Variants in MYOG observed in about 807,000 individuals in gnomAD.
The protein encoded by MYOG is myogenin.
In MYOG, 6 loss-of-function variants were observed where a neutral mutation model predicts 17.7. That is an observed-to-expected ratio of 0.34 (90% CI 0.19 to 0.67). MYOG has a LOEUF of 0.67. MYOG is among the 30% of genes least tolerant of loss of function. The pLI is 0.69. For synonymous variants in MYOG, 125 were observed against 130.2 expected, an observed-to-expected ratio of 0.96 and a Z score of 0.27; for missense variants, 272 against 302.0, an observed-to-expected ratio of 0.90 and a Z score of 0.74.
Position 203,084,799 on chromosome 1 carries a change from G to A in MYOG, c.472-71C>T, listed in dbSNP as rs575832210. The A allele has an allele frequency of 4.2e-6, 6 of 1,430,106 alleles. No homozygotes were observed. The East Asian group carries it at 9.9e-5, about 24-fold the overall frequency. 88.6% of individuals were successfully genotyped at this position (1,430,106 alleles called of 1,614,324 possible). A position where few individuals can be genotyped will look rare whatever the true frequency, so the allele number is the denominator to read the frequency against. ...TGATGTCTCTCTCTGCCTAGTCCCA[G>A]TGGGCAGAAGTACCTGTGGTGGGGT... On this transcript the variant is annotated intron_variant, in intron 1 of 2. Transcript: ENST00000241651.
chr1:203,083,704 A>C lies in MYOG; in HGVS notation c.*206T>G, dbSNP rs577081195. ...AAAGGGGATGCCCTCTCCTCTAAGG[A>C]GGCAGCTGAATGAGGGCGTCCAGTC... On this transcript the variant is annotated 3_prime_UTR_variant, in exon 3 of 3. Coordinates refer to ENST00000241651, the MANE Select transcript of MYOG (RefSeq NM_002479.6). 2 of 713,276 alleles carry C rather than the reference A, an allele frequency of 2.8e-6. No individual in the cohort carries two copies. The highest frequency in any genetic ancestry group is 4.6e-6 in the Non-Finnish European group (2 of 437,526). The allele number at this position is 713,276 out of a possible 1,614,324, so 44.2% of individuals were successfully genotyped here.
In MYOG at chr1:203,085,953, C is replaced by T; in HGVS notation, c.9G>A (p.Leu3=). ...GGTAGAAGTAGGGGGATGTCTCATA[C>T]AGCTCCATGGGGTCGGAAAAGGCTT... The part of the protein sequence containing the change: ME[L]YETSPYFYQE... Residue 3 remains leucine (L), a synonymous_variant, in exon 1 of 3, where the codon CTG becomes CTA. Coordinates refer to ENST00000241651, the MANE Select transcript of MYOG (RefSeq NM_002479.6). 6.3e-7 allele frequency: 1 copy of T among 1,577,466 alleles called. No homozygotes were observed. The highest frequency in any genetic ancestry group is 8.6e-7 in the Non-Finnish European group (1 of 1,162,596).
Position 203,085,732 on chromosome 1 carries a change from G to A in MYOG, c.230C>T (p.Ser77Leu), listed in dbSNP as rs751391801. 14 of 1,614,110 alleles carry A rather than the reference G, an allele frequency of 8.7e-6. No homozygotes were observed. The highest frequency in any genetic ancestry group is 1.2e-5 in the Non-Finnish European group (14 of 1,179,994). ...CGCCCGCCGCCGGTCCACGGACACC[G>A]ACTTCCTCTTACACACCTTACACGC... Reference protein sequence around the residue: ...PWACKVCKRKSVSVDRRRAAT... With the variant: ...PWACKVCKRKLVSVDRRRAAT... The change falls in exon 1 of 3, where the codon TCG becomes TTG. Residue 77 changes from serine to leucine, a missense_variant. Transcript: ENST00000241651.
In MYOG at chr1:203,084,672, T is replaced by C; in HGVS notation, c.528A>G (p.Ala176=). 6.2e-7 allele frequency: 1 copy of C among 1,611,566 alleles called. No individual in the cohort carries two copies. The highest frequency in any genetic ancestry group is 8.5e-7 in the Non-Finnish European group (1 of 1,178,844). The part of the protein sequence containing the change: ...SASCSPEWGS[A]LEFSANPGDH... ...CCCCTGGGTTGGCGCTGAACTCCAGTGCACTGCCCCACTCTGGACTGCAGG... is the reference window on the plus strand; with the variant it reads ...CCCCTGGGTTGGCGCTGAACTCCAGCGCACTGCCCCACTCTGGACTGCAGG... The change falls in exon 2 of 3, where the codon GCA becomes GCG. Residue 176 remains alanine (A), a synonymous_variant. Transcript: ENST00000241651.
intron 2 of MYOG, 97 bp downstream of exon 2, chr1:203,084,550 A>G: frequency 8.8e-7 from 1 of 1,132,452 alleles, no homozygotes; most frequent in Middle Eastern, 2.0e-4. Context: ...GACCCAAGGG[A>G]AGAGGACCGG....
rs1407637540 is a variant in MYOG, at chr1:203,083,586, GC to G, written c.*323del. On this transcript the variant is annotated 3_prime_UTR_variant, in exon 3 of 3. Coordinates refer to ENST00000241651, the MANE Select transcript of MYOG (RefSeq NM_002479.6). ...TTTCACTTGGGGGGTGGAATTAGAG[GC>G]CGCGTTATGATAAAAAGGAAGCTCC... 5.6e-6 allele frequency: 3 copies of G among 531,130 alleles called. No individual in the cohort carries two copies. In the Admixed American group the frequency reaches 9.3e-5, roughly 17 times the overall value. 32.9% of individuals were successfully genotyped at this position (531,130 alleles called of 1,614,324 possible). A position where few individuals can be genotyped will look rare whatever the true frequency, so the allele number is the denominator to read the frequency against.
rs936843101 is a variant in MYOG, at chr1:203,083,321, G to C, written c.*589C>G. 8 of 184,518 alleles carry C rather than the reference G, an allele frequency of 4.3e-5. No homozygotes were observed. Among genetic ancestry groups the C allele is most frequent in the Admixed American group, 2.5e-4 (4 of 16,246 alleles). The allele number at this position is 184,518 out of a possible 1,614,324, so 11.4% of individuals were successfully genotyped here. A position where few individuals can be genotyped will look rare whatever the true frequency, so the allele number is the denominator to read the frequency against. ...GGCAACTTCAGCACAGGAGACCTTG[G>C]TCGGATGGCAGCTTTACAAACAACA... is the stretch of plus-strand genomic sequence containing the variant. On this transcript the variant is annotated 3_prime_UTR_variant, in exon 3 of 3. Transcript: ENST00000241651.
In MYOG at chr1:203,085,934, A is replaced by T. The variant is rs767739064; in HGVS notation, c.28T>A (p.Phe10Ile). The change falls in exon 1 of 3, where the codon TTC becomes ATC. Residue 10 changes from phenylalanine (F) to isoleucine (I), a missense_variant. Transcript: ENST00000241651. ...TCATAGAAGCGGGGTTCCTGGTAGA[A>T]GTAGGGGGATGTCTCATACAGCTCC... MELYETSPYFYQEPRFYDGE... is the reference protein window; with the variant it reads MELYETSPYIYQEPRFYDGE... The T allele has an allele frequency of 6.3e-7, 1 of 1,598,484 alleles. No homozygotes were observed. Among genetic ancestry groups the T allele is most frequent in the South Asian group, 1.1e-5 (1 of 88,258 alleles).
Position 203,085,758 on chromosome 1 carries a change from C to T in MYOG, c.204G>A (p.Trp68Ter). Residue 68 changes from tryptophan (W) to a stop codon, truncating the protein, a stop_gained, in exon 1 of 3, where the codon TGG becomes TGA. Coordinates refer to ENST00000241651, the MANE Select transcript of MYOG (RefSeq NM_002479.6). LOFTEE classifies it high-confidence loss of function. Reference protein sequence around the residue: ...PEHCPGQCLPWACKVCKRKSV... With the variant: ...PEHCPGQCLP ...ACTTCCTCTTACACACCTTACACGC[C>T]CACGGCAGGCACTGGCCTGGACAGT... 1 of 1,614,086 alleles carries T rather than the reference C, an allele frequency of 6.2e-7. No homozygotes were observed. Among genetic ancestry groups the T allele is most frequent in the Non-Finnish European group, 8.5e-7 (1 of 1,179,992 alleles).
chr1:203,084,698 A>G lies in MYOG; in HGVS notation c.502T>C (p.Ser168Pro). ...GCACTGCCCCACTCTGGACTGCAGG[A>G]GGCGCTGTGAGAGCTGCATTCGCTG... is the stretch of plus-strand genomic sequence containing the variant. ...VPSECSSHSA[S>P]CSPEWGSALE... The change falls in exon 2 of 3, where the codon TCC becomes CCC. Residue 168 changes from serine to proline, a missense_variant. Ser to Pro is a moderately conservative substitution (Grantham distance 74, BLOSUM62 -1). Coordinates refer to ENST00000241651, the MANE Select transcript of MYOG (RefSeq NM_002479.6). The G allele has an allele frequency of 6.2e-7, 1 of 1,611,476 alleles. No individual in the cohort carries two copies. Among genetic ancestry groups the G allele is most frequent in the Non-Finnish European group, 8.5e-7 (1 of 1,178,842 alleles).
At position 203,085,366 on chromosome 1, in the gene MYOG, G is replaced by A. The variant is rs1283071106; in HGVS notation, c.471+125C>T. On this transcript the variant is annotated intron_variant, in intron 1 of 2. Coordinates refer to ENST00000241651, the MANE Select transcript of MYOG (RefSeq NM_002479.6). ...CAGCTCTGACCAGGGAAGGGCTCCTGCAGCCCCTCGACCCTGTCTGGCACC... is the reference window on the plus strand; with the variant it reads ...CAGCTCTGACCAGGGAAGGGCTCCTACAGCCCCTCGACCCTGTCTGGCACC... 2.1e-5 allele frequency: 18 copies of A among 865,026 alleles called. No individual in the cohort carries two copies. In the East Asian group the frequency reaches 4.8e-4, roughly 23 times the overall value. 53.6% of individuals were successfully genotyped at this position (865,026 alleles called of 1,614,324 possible). A position where few individuals can be genotyped will look rare whatever the true frequency, so the allele number is the denominator to read the frequency against.
Position 203,085,473 on chromosome 1 carries a change from G to T in MYOG, c.471+18C>A, listed in dbSNP as rs749556047. ...TGGCCCCGTCCCCTTGGGGCAGGGG[G>T]ATGGGATGGCCACTTACCCCTGGCT... On this transcript the variant is annotated intron_variant, in intron 1 of 2. Transcript: ENST00000241651. 4 of 1,600,530 alleles carry T rather than the reference G, an allele frequency of 2.5e-6. No individual in the cohort carries two copies. Among genetic ancestry groups the T allele is most frequent in the South Asian group, 2.2e-5 (2 of 89,834 alleles).
Position 203,083,575 on chromosome 1 carries a change from T to G in MYOG, c.*335A>C. 10 of 503,720 alleles carry G rather than the reference T, an allele frequency of 2.0e-5. No homozygotes were observed. Among genetic ancestry groups the G allele is most frequent in the South Asian group, 1.3e-4 (3 of 23,660 alleles). The allele number at this position is 503,720 out of a possible 1,614,324, so 31.2% of individuals were successfully genotyped here. A position where few individuals can be genotyped will look rare whatever the true frequency, so the allele number is the denominator to read the frequency against. ...CTCTCAAACCGTTTCACTTGGGGGG[T>G]GGAATTAGAGGCCGCGTTATGATAA... is the stretch of plus-strand genomic sequence containing the variant. On this transcript the variant is annotated 3_prime_UTR_variant, in exon 3 of 3. Transcript: ENST00000241651.
Position 203,083,794 on chromosome 1 carries a change from C to T in MYOG, c.*116G>A, listed in dbSNP as rs6694124. The T allele has an allele frequency of 0.024, 36,071 of 1,474,804 alleles. 3,657 individuals carry two copies. The African/African-American group carries it at 0.31, about 13-fold the overall frequency. 91.4% of individuals were successfully genotyped at this position (1,474,804 alleles called of 1,614,324 possible). On this transcript the variant is annotated 3_prime_UTR_variant, in exon 3 of 3. Transcript: ENST00000241651. ...GGGGATAGTCTGGCCTATGGCACCC[C>T]AGAGCTGGCTTCCTAGCATCAGGGC...
rs967107632 is a variant in MYOG at position 203,083,492 on chromosome 1, A to G, written c.*418T>C. The stretch of plus-strand genomic sequence containing the variant: ...GGGCAGGCCCAGCCCAGCCACTGGC[A>G]TCGGGAAGAGACCAGAACAGGAGAC... On this transcript the variant is annotated 3_prime_UTR_variant, in exon 3 of 3. Coordinates refer to ENST00000241651, the MANE Select transcript of MYOG (RefSeq NM_002479.6). The G allele has an allele frequency of 4.8e-6, 2 of 419,734 alleles. No homozygotes were observed. The highest frequency in any genetic ancestry group is 8.4e-6 in the Non-Finnish European group (2 of 237,530). 26.0% of individuals were successfully genotyped at this position (419,734 alleles called of 1,614,324 possible). A position where few individuals can be genotyped will look rare whatever the true frequency, so the allele number is the denominator to read the frequency against.
In MYOG at chr1:203,083,797, A is replaced by G; in HGVS notation, c.*113T>C. The stretch of plus-strand genomic sequence containing the variant: ...GATAGTCTGGCCTATGGCACCCCAG[A>G]GCTGGCTTCCTAGCATCAGGGCAGC... On this transcript the variant is annotated 3_prime_UTR_variant, in exon 3 of 3. Coordinates refer to ENST00000241651, the MANE Select transcript of MYOG (RefSeq NM_002479.6). 1 of 1,481,198 alleles carries G rather than the reference A, an allele frequency of 6.8e-7. No homozygotes were observed. 91.8% of individuals were successfully genotyped at this position (1,481,198 alleles called of 1,614,324 possible). A position where few individuals can be genotyped will look rare whatever the true frequency, so the allele number is the denominator to read the frequency against.
chr1:203,084,835 G>T, intron 1 of MYOG, 107 bp from the exon 2 acceptor site: 1 of 1,167,660 alleles, frequency 8.6e-7, no homozygotes, highest in Non-Finnish European at 1.2e-6. Context: ...TGGAGGGTGG[G>T]CCACAGGCTG....
chr1:203,084,569 A>C, intron 2 of MYOG, 78 bp downstream of exon 2: 2 of 1,267,244 alleles, frequency 1.6e-6, no homozygotes, highest in East Asian at 2.5e-5. Context: ...GGAGCAAGGA[A>C]TAAGGTAAGA....
rs71142588 is a variant in MYOG, at chr1:203,083,183, C to CAAAAAAAAAA, written c.*717_*726dup. 1.4e-4 allele frequency: 14 copies of CAAAAAAAAAA among 99,326 alleles called. No homozygotes were observed. Among genetic ancestry groups the CAAAAAAAAAA allele is most frequent in the African/African-American group, 2.2e-4 (6 of 27,654 alleles). 6.2% of individuals were successfully genotyped at this position (99,326 alleles called of 1,614,324 possible). On this transcript the variant is annotated 3_prime_UTR_variant, in exon 3 of 3. Transcript: ENST00000241651. ...AAAAAAGGAAATCCAAATAAGTTAG[C>CAAAAAAAAAA]AAAAAAAAAAAAAAAAAAAAAAAAT...
Sources: gnomAD v4.1 joint callset for allele counts on GRCh38, gnomAD v4.1.1 for gene constraint, MANE v1.5 for transcripts, NCBI Gene and HGNC (gene_info 2026-07-23, HGNC 2026-07-21) for gene names.